Variants in SLCO1A2 observed in about 807,000 individuals in gnomAD.
SLCO1A2 encodes the protein solute carrier organic anion transporter family member 1A2.
In SLCO1A2, 67 loss-of-function variants were observed where a neutral mutation model predicts 69.0. The observed-to-expected ratio is 0.97, with a 90% CI of 0.80 to 1.19. SLCO1A2 has a LOEUF of 1.19. Among genes scored for constraint, SLCO1A2 ranks in the 50% most tolerant of loss-of-function variants. SLCO1A2 has a pLI of 0.00. For missense variants in SLCO1A2, 787 were observed against 793.7 expected (o/e 0.99, Z 0.10); for synonymous variants, 260 against 265.9 (o/e 0.98, Z 0.22).
At chr12:21,377,968 T>C (rs1010989074) in intron 1 of SLCO1A2, among the ~76,000 whole-genome samples, 1 of 152,196 alleles carries the variant, frequency 6.6e-6, no homozygotes, top group Non-Finnish European at 1.5e-5. Context: ...TTTGATTATA[T>C]GTAATATATT....
chr12:21,384,160 C>T (rs900094852), intron 1 of SLCO1A2, among the ~76,000 whole-genome samples: 1 of 151,922 alleles, frequency 6.6e-6, no homozygotes, highest in East Asian at 1.9e-4. Flanking sequence ...TATGGTATTA[C>T]AGTGGGTACT....
intron 2 of SLCO1A2, among the ~76,000 whole-genome samples, chr12:21,325,071 G>T (rs968163485): frequency 4.6e-5 from 7 of 152,172 alleles, no homozygotes; most frequent in African/African-American, 1.7e-4. Context: ...AGTGCTCCCA[G>T]TCTTTTACCA....
intron 1 of SLCO1A2, among the ~76,000 whole-genome samples, chr12:21,380,339 A>G (rs1940509073): frequency 6.6e-6 from 1 of 152,230 alleles, no homozygotes; most frequent in African/African-American, 2.4e-5. Context: ...GTAGCATACA[A>G]TTCCCAGGAA....
intron 6 of SLCO1A2, among the ~76,000 whole-genome samples, chr12:21,301,820 A>G (rs141225129): frequency 3.3e-5 from 5 of 152,014 alleles, no homozygotes; most frequent in African/African-American, 9.7e-5. Context: ...CATCAGTCCT[A>G]TCTGTCTTCA....
intron 2 of SLCO1A2, among the ~76,000 whole-genome samples, chr12:21,323,895 C>T (rs183296362): frequency 7.4e-4 from 112 of 152,240 alleles, no homozygotes; most frequent in Non-Finnish European, 1.1e-3. Context: ...CCACCTCTTC[C>T]ACAACAGTCC....
At chr12:21,319,378 C>T (rs758922924) in intron 2 of SLCO1A2, 42 of 1,367,732 alleles carry the variant, frequency 3.1e-5, no homozygotes, top group Admixed American at 7.6e-5. Flanking sequence ...TTACCTTGGC[C>T]GACTCCACTC....
intron 9 of SLCO1A2, 28 bp from the exon 10 acceptor site, chr12:21,295,820 C>T (rs1237763062): frequency 2.4e-6 from 3 of 1,264,820 alleles, no homozygotes; most frequent in Non-Finnish European, 3.4e-6. Flanking sequence ...ATATTATTTA[C>T]AAAATGACTT....
At chr12:21,312,077 A>AGAG (rs138485588) in intron 4 of SLCO1A2, among the ~76,000 whole-genome samples, 13,535 of 150,998 alleles carry the variant, frequency 0.09, 847 homozygotes, top group Non-Finnish European at 0.13. Context: ...AGGAAGAAGA[A>AGAG]GAGGAGGAGG....
intron 12 of SLCO1A2, among the ~76,000 whole-genome samples, chr12:21,290,091 A>T (rs1384801146): frequency 6.6e-6 from 1 of 151,962 alleles, no homozygotes; most frequent in Non-Finnish European, 1.5e-5. Flanking sequence ...AGAGACATAT[A>T]TATGTATATA....
At chr12:21,330,718 A>G (rs1048811886) in intron 2 of SLCO1A2, among the ~76,000 whole-genome samples, 1 of 152,174 alleles carries the variant, frequency 6.6e-6, no homozygotes, top group African/African-American at 2.4e-5. Flanking sequence ...CATTTTTAAT[A>G]AATCTTGTTC....
chr12:21,324,657 C>T (rs1445721297), intron 2 of SLCO1A2: 1 of 152,172 alleles, frequency 6.6e-6, no homozygotes, highest in Admixed American at 6.5e-5. Context: ...ATACTTCACC[C>T]AATTGCTCTA....
rs1173349567 is a variant in SLCO1A2 at position 21,269,017 on chromosome 12, A to G, written c.*531T>C. 1 of 152,188 alleles carries G rather than the reference A, an allele frequency of 6.6e-6. No homozygotes were observed. Among genetic ancestry groups the G allele is most frequent in the Non-Finnish European group, 1.5e-5 (1 of 68,098 alleles). 9.4% of individuals were successfully genotyped at this position (152,188 alleles called of 1,614,324 possible). A position where few individuals can be genotyped will look rare whatever the true frequency, so the allele number is the denominator to read the frequency against. On this transcript the variant is annotated 3_prime_UTR_variant, in exon 15 of 15. Coordinates refer to ENST00000683939, the MANE Select transcript of SLCO1A2 (RefSeq NM_001386879.1). ...GGTATATTTATGAGTAATCTATTAT[A>G]TAGGAGTCATGCCTAGAATGAATAA...
intron 1 of SLCO1A2, among the ~76,000 whole-genome samples, chr12:21,411,107 GA>G (rs950393248): frequency 2.2e-4 from 33 of 150,794 alleles, no homozygotes; most frequent in Non-Finnish European, 3.5e-4. Context: ...GCCTGAGGAA[GA>G]AAAAAAAATC....
At chr12:21,397,197 A>G (rs1209962115), upstream of SLCO1A2, among the ~76,000 whole-genome samples, 1 of 151,476 alleles carries the variant, frequency 6.6e-6, no homozygotes, top group Non-Finnish European at 1.5e-5. Flanking sequence ...GCAAATGGAA[A>G]ACAAAAAAAG....
chr12:21,293,527 G>T (rs1446218484), intron 11 of SLCO1A2, among the ~76,000 whole-genome samples: 1 of 151,198 alleles, frequency 6.6e-6, no homozygotes, highest in Non-Finnish European at 1.5e-5. Context: ...GTCAGAATGT[G>T]AAAAACACAG....
At chr12:21,301,294 T>C in intron 6 of SLCO1A2, 25 bp from the exon 7 acceptor site, 3 of 1,514,612 alleles carry the variant, frequency 2.0e-6, no homozygotes, top group Non-Finnish European at 1.8e-6. Context: ...AAGTATAAGG[T>C]TATAGTACAG....
At chr12:21,414,859 C>T (rs2417978) in intron 1 of SLCO1A2, among the ~76,000 whole-genome samples, 65,483 of 151,798 alleles carry the variant, frequency 0.43, 14,271 homozygotes, top group Middle Eastern at 0.51. Flanking sequence ...AAAATTCCTA[C>T]ACCTCCATAG....
At chr12:21,353,443 CTCTT>C (rs555656980) in intron 2 of SLCO1A2, among the ~76,000 whole-genome samples, 137 of 150,970 alleles carry the variant, frequency 9.1e-4, no homozygotes, top group African/African-American at 3.0e-3. Flanking sequence ...GGTTCGTAGC[CTCTT>C]TCTTTATTTT....
chr12:21,303,539 A>G (rs1948982391), intron 6 of SLCO1A2, among the ~76,000 whole-genome samples: 1 of 152,206 alleles, frequency 6.6e-6, no homozygotes, highest in Non-Finnish European at 1.5e-5. Flanking sequence ...TAGTTTTTAA[A>G]AGATATGCCT....
Sources: gnomAD v4.1 joint callset for allele counts (sites outside exome capture counted in the v4.1 genomes callset) on GRCh38, gnomAD v4.1.1 for gene constraint, MANE v1.5 for transcripts, NCBI Gene and HGNC (gene_info 2026-07-23, HGNC 2026-07-21) for gene names.